Variants in FAP observed in about 807,000 individuals in gnomAD.
FAP encodes the protein prolyl endopeptidase FAP.
A neutral mutation model predicts 126.5 loss-of-function variants in FAP; 110 were observed. That is an observed-to-expected ratio of 0.87 (90% CI 0.74 to 1.02). The LOEUF (loss-of-function observed/expected upper bound fraction) is 1.02. Ranked by LOEUF, FAP falls within the 50% of genes least tolerant of loss-of-function variation. The probability of loss-of-function intolerance (pLI) is 0.00; values close to 1 mark genes in which losing one functional copy is unlikely to be tolerated. For missense variants in FAP, 919 were observed against 909.2 expected (o/e 1.01, Z -0.14); for synonymous variants, 334 against 297.3 (o/e 1.12, Z -1.27).
rs778476362 is a variant in FAP at position 162,194,696 on chromosome 2, A to G, written c.1450+5T>C. 6.2e-7 allele frequency: 1 copy of G among 1,613,140 alleles called. No individual in the cohort carries two copies. Among genetic ancestry groups the G allele is most frequent in the Non-Finnish European group, 8.5e-7 (1 of 1,179,228 alleles). On this transcript the variant is annotated splice_donor_5th_base_variant and intron_variant, in intron 17 of 25. Transcript: ENST00000188790. ...ACAAGATAGATAACATGCAAGAGAG[A>G]GTACCTTGATCAGTGCGTCCATCAT... is the stretch of plus-strand genomic sequence containing the variant.
chr2:162,239,186 C>A (rs1300647063), intron 2 of FAP, among the ~76,000 whole-genome samples: 1 of 152,000 alleles, frequency 6.6e-6, no homozygotes, highest in East Asian at 1.9e-4. Flanking sequence ...TGCATGCCAC[C>A]ATGCCCAGCT....
At chr2:162,196,183 C>A (rs978263328) in intron 16 of FAP, among the ~76,000 whole-genome samples, 3 of 152,150 alleles carry the variant, frequency 2.0e-5, no homozygotes, top group African/African-American at 7.2e-5. Flanking sequence ...CCACATTTTC[C>A]AACTAGCCTT....
At position 162,172,901 on chromosome 2, in the gene FAP, G is replaced by C. The variant is rs754427525; in HGVS notation, c.2108-17C>G. On this transcript the variant is annotated splice_polypyrimidine_tract_variant and intron_variant, in intron 24 of 25. Coordinates refer to ENST00000188790, the MANE Select transcript of FAP (RefSeq NM_004460.5). ...GCACATTATCTGCAACAAAGAGAGA[G>C]AGAGTTAAAGTGCTGCTAAATACCA... 1.3e-6 allele frequency: 2 copies of C among 1,594,374 alleles called. No homozygotes were observed. The highest frequency in any genetic ancestry group is 4.5e-5 in the East Asian group (2 of 44,758).
chr2:162,221,170 G>A (rs142311647), intron 6 of FAP, among the ~76,000 whole-genome samples: 1 of 152,204 alleles, frequency 6.6e-6, no homozygotes, highest in Non-Finnish European at 1.5e-5. Flanking sequence ...AGTCCTGGCC[G>A]CCAGAGGGCA....
intron 20 of FAP, among the ~76,000 whole-genome samples, 147 bp downstream of exon 20, chr2:162,188,008 TTCATATTTGGCAGA>T (rs1390461934): frequency 2.0e-5 from 3 of 152,126 alleles, no homozygotes; most frequent in African/African-American, 4.8e-5. Flanking sequence ...ATACTTTTTT[TTCATATTTGGCAGA>T]AATACCTCTT....
chr2:162,206,709 G>A (rs1312172025), intron 12 of FAP, among the ~76,000 whole-genome samples: 1 of 152,104 alleles, frequency 6.6e-6, no homozygotes, highest in African/African-American at 2.4e-5. Flanking sequence ...CCTCTACAGA[G>A]CAAAACAAAA....
intron 14 of FAP, among the ~76,000 whole-genome samples, chr2:162,201,862 C>T (rs1296093620): frequency 6.6e-6 from 1 of 152,148 alleles, no homozygotes. Context: ...GGACCTCCGC[C>T]TTCAGTTTTT....
chr2:162,175,418 A>G (rs1687452149), intron 21 of FAP: 1 of 152,972 alleles, frequency 6.5e-6, no homozygotes, highest in African/African-American at 2.4e-5. Context: ...GAGGCAGAAC[A>G]TGTATCTTTG....
chr2:162,195,080 T>C (rs925999610), intron 16 of FAP: 59 of 316,082 alleles, frequency 1.9e-4, no homozygotes, highest in African/African-American at 1.1e-3. Context: ...CATGCTGTAT[T>C]GGGCCAGTTT....
intron 18 of FAP, 68 bp from the exon 19 acceptor site, chr2:162,189,240 A>G (rs1415119726): frequency 1.2e-6 from 1 of 865,874 alleles, no homozygotes; most frequent in Non-Finnish European, 1.8e-6. Context: ...ATTGTCTTTA[A>G]TAACAATATA....
chr2:162,235,556 T>C (rs1409741622), intron 2 of FAP, among the ~76,000 whole-genome samples: 1 of 152,176 alleles, frequency 6.6e-6, no homozygotes, highest in Non-Finnish European at 1.5e-5. Context: ...TGGAGAACTT[T>C]TGTGTCTGGC....
chr2:162,241,830 T>G (rs1391503812), intron 2 of FAP, among the ~76,000 whole-genome samples: 1 of 152,192 alleles, frequency 6.6e-6, no homozygotes, highest in Non-Finnish European at 1.5e-5. Flanking sequence ...AGACTGAAAT[T>G]AACACTGAAG....
intron 17 of FAP, 146 bp downstream of exon 17, chr2:162,194,555 C>A (rs1688170959): frequency 3.0e-6 from 2 of 676,026 alleles, no homozygotes; most frequent in Non-Finnish European, 5.2e-6. Context: ...ATATCCAAAT[C>A]TGTGCAATAA....
At chr2:162,227,420 A>C (rs1689701828) in intron 2 of FAP, among the ~76,000 whole-genome samples, 1 of 152,162 alleles carries the variant, frequency 6.6e-6, no homozygotes, top group Admixed American at 6.5e-5. Flanking sequence ...TTCATTACAG[A>C]GCCCTGAAGC....
At chr2:162,239,073 T>G (rs1690247773) in intron 2 of FAP, among the ~76,000 whole-genome samples, 2 of 152,208 alleles carry the variant, frequency 1.3e-5, no homozygotes, top group South Asian at 2.1e-4. Flanking sequence ...GTTGGTTTGT[T>G]TAAATGATTT....
At chr2:162,218,431 C>A (rs1208215348) in intron 8 of FAP, among the ~76,000 whole-genome samples, 1 of 151,832 alleles carries the variant, frequency 6.6e-6, no homozygotes, top group Non-Finnish European at 1.5e-5. Context: ...TCTTTCAGGG[C>A]AGTTTCAGGT....
chr2:162,234,817 G>A (rs1473625485), intron 2 of FAP, among the ~76,000 whole-genome samples: 2 of 152,128 alleles, frequency 1.3e-5, no homozygotes, highest in African/African-American at 2.4e-5. Flanking sequence ...TGGGCTGGCC[G>A]AGGCTGGAGC....
chr2:162,186,194 G>T (rs1476896264), intron 20 of FAP, among the ~76,000 whole-genome samples: 1 of 152,092 alleles, frequency 6.6e-6, no homozygotes, highest in African/African-American at 2.4e-5. Flanking sequence ...TACTGCAATG[G>T]CATGTATTAA....
chr2:162,234,719 G>A (rs1559796290), intron 2 of FAP, among the ~76,000 whole-genome samples: 3 of 152,162 alleles, frequency 2.0e-5, no homozygotes, highest in South Asian at 2.1e-4. Flanking sequence ...GCCCTCACTC[G>A]CTCTGGGTGC....
Sources: gnomAD v4.1 joint callset for allele counts (sites outside exome capture counted in the v4.1 genomes callset) on GRCh38, gnomAD v4.1.1 for gene constraint, MANE v1.5 for transcripts, NCBI Gene and HGNC (gene_info 2026-07-23, HGNC 2026-07-21) for gene names.